Variants in SSPN observed in about 807,000 individuals in gnomAD.
SSPN encodes the protein K-ras oncogene-associated protein.
A neutral mutation model predicts 19.1 loss-of-function variants in SSPN; 15 were observed. That is an observed-to-expected ratio of 0.78 (90% CI 0.52 to 1.21). SSPN has a LOEUF of 1.21. SSPN is among the 50% of genes most tolerant of loss of function. SSPN has a pLI of 0.00. For synonymous variants in SSPN, 147 were observed against 140.3 expected, an observed-to-expected ratio of 1.05 and a Z score of -0.34; for missense variants, 291 against 314.0, an observed-to-expected ratio of 0.93 and a Z score of 0.55.
intron 1 of SSPN, among the ~76,000 whole-genome samples, chr12:26,179,246 G>A (rs1266589611): frequency 6.6e-6 from 1 of 152,178 alleles, no homozygotes; most frequent in East Asian, 1.9e-4. Context: ...AGCAGTGCTT[G>A]AGGAATGAAA....
At chr12:26,127,096 T>C (rs1357257693) in intron 1 of SSPN, among the ~76,000 whole-genome samples, 3 of 152,160 alleles carry the variant, frequency 2.0e-5, no homozygotes, top group Non-Finnish European at 2.9e-5. Context: ...AAACACCAGG[T>C]CCCCTTCTAG....
chr12:26,213,658 C>T (rs1296025359), intron 1 of SSPN, among the ~76,000 whole-genome samples: 1 of 152,000 alleles, frequency 6.6e-6, no homozygotes, highest in African/African-American at 2.4e-5. Flanking sequence ...CAGCAAGGCT[C>T]TCAAACATCT....
intron 1 of SSPN, among the ~76,000 whole-genome samples, chr12:26,128,650 G>T (rs1384862619): frequency 6.6e-6 from 1 of 152,176 alleles, no homozygotes; most frequent in African/African-American, 2.4e-5. Flanking sequence ...TTTAAAATAG[G>T]TTGAGTCTTA....
At chr12:26,186,103 A>C (rs141622292) in intron 1 of SSPN, among the ~76,000 whole-genome samples, 3 of 152,322 alleles carry the variant, frequency 2.0e-5, no homozygotes, top group Admixed American at 6.5e-5. Context: ...TTTTGCCTTA[A>C]GGGACGGCAA....
chr12:26,177,212 CTATTA>C (rs1354879047), intron 1 of SSPN, among the ~76,000 whole-genome samples: 1 of 152,166 alleles, frequency 6.6e-6, no homozygotes, highest in African/African-American at 2.4e-5. Flanking sequence ...TTTAAGGCTA[CTATTA>C]TATTATTATT....
At chr12:26,145,553 T>C (rs1944485348) in intron 1 of SSPN, among the ~76,000 whole-genome samples, 1 of 152,188 alleles carries the variant, frequency 6.6e-6, no homozygotes, top group African/African-American at 2.4e-5. Context: ...TGGCAGGACG[T>C]TCTGTCTCAT....
upstream of SSPN, among the ~76,000 whole-genome samples, chr12:26,191,776 A>G (rs552026636): frequency 6.5e-4 from 99 of 152,218 alleles, no homozygotes; most frequent in Admixed American, 1.2e-3. Flanking sequence ...GGCGGCCAGC[A>G]AGGCATATGG....
In SSPN at chr12:26,232,181, A is replaced by C. The variant is rs991283438; in HGVS notation, c.*1105A>C. ...TGGGTAATGCTGATGTGTTCCATTC[A>C]TGAAACTGTATTTGATACATAATCC... is the stretch of plus-strand genomic sequence containing the variant. On this transcript the variant is annotated 3_prime_UTR_variant, in exon 3 of 3. Coordinates refer to ENST00000242729, the MANE Select transcript of SSPN (RefSeq NM_005086.5). The C allele has an allele frequency of 1.0e-6, 1 of 985,454 alleles. No individual in the cohort carries two copies. The highest frequency in any genetic ancestry group is 1.2e-6 in the Non-Finnish European group (1 of 829,934). The allele number at this position is 985,454 out of a possible 1,614,324, so 61.0% of individuals were successfully genotyped here. A position where few individuals can be genotyped will look rare whatever the true frequency, so the allele number is the denominator to read the frequency against.
intron 2 of SSPN, 107 bp downstream of exon 2, chr12:26,224,486 T>A: frequency 9.8e-7 from 1 of 1,017,782 alleles, no homozygotes; most frequent in Admixed American, 1.9e-5. Flanking sequence ...AGTCTAGAAA[T>A]TGCATTTTTA....
chr12:26,193,547 A>G (rs907086603), upstream of SSPN, among the ~76,000 whole-genome samples: 3 of 152,186 alleles, frequency 2.0e-5, no homozygotes, highest in Non-Finnish European at 2.9e-5. Context: ...AATATTTACC[A>G]TATTTCCATA....
At chr12:26,151,845 C>T (rs142320381) in intron 1 of SSPN, among the ~76,000 whole-genome samples, 5 of 152,220 alleles carry the variant, frequency 3.3e-5, no homozygotes, top group Middle Eastern at 3.4e-3. Flanking sequence ...TGTGCCCCTG[C>T]GTGGTAGAAA....
At chr12:26,191,910 A>G (rs1331912719), upstream of SSPN, among the ~76,000 whole-genome samples, 1 of 152,240 alleles carries the variant, frequency 6.6e-6, no homozygotes, top group African/African-American at 2.4e-5. Flanking sequence ...AAAAGACTTG[A>G]TATAGACCTT....
chr12:26,198,059 A>T (rs1944845334), intron 1 of SSPN, among the ~76,000 whole-genome samples: 1 of 151,408 alleles, frequency 6.6e-6, no homozygotes, highest in Admixed American at 6.6e-5. Context: ...CCAAGCTTTC[A>T]GGGAAGGGAA....
chr12:26,178,972 C>T (rs1391902751), intron 1 of SSPN, among the ~76,000 whole-genome samples: 1 of 152,176 alleles, frequency 6.6e-6, no homozygotes, highest in African/African-American at 2.4e-5. Flanking sequence ...CAGAGCTCAG[C>T]ACCCCACAGC....
intron 1 of SSPN, among the ~76,000 whole-genome samples, chr12:26,142,844 T>A (rs1345570764): frequency 6.6e-6 from 1 of 152,230 alleles, no homozygotes; most frequent in Non-Finnish European, 1.5e-5. Context: ...GAATGTGCTG[T>A]CATCTACAGA....
rs1037877138 is a variant in SSPN at position 26,123,077 on chromosome 12, G to A, written c.-31+925G>A. 5 of 1,599,156 alleles carry A rather than the reference G, an allele frequency of 3.1e-6. No individual in the cohort carries two copies. In the African/African-American group the frequency reaches 6.7e-5, roughly 21 times the overall value. On this transcript the variant is annotated intron_variant, in intron 1 of 2. Transcript: ENST00000538142. ...TGGGTGTCCAGCTCTCAAACCGGGA[G>A]AGGTATTGCAAGACTTCTTTGGCGC...
At chr12:26,122,679 C>T (rs1944322581) in intron 1 of SSPN, 4 of 1,549,174 alleles carry the variant, frequency 2.6e-6, no homozygotes, top group East Asian at 2.6e-5. Context: ...CAGCTTCATC[C>T]TCTTGGGCGC....
intron 1 of SSPN, chr12:26,124,189 T>C (rs765418587): frequency 1.9e-6 from 3 of 1,539,030 alleles, no homozygotes; most frequent in South Asian, 2.2e-5. Flanking sequence ...CCTTAATATA[T>C]GAGAGTCATG....
At chr12:26,145,327 G>A (rs533619485) in intron 1 of SSPN, among the ~76,000 whole-genome samples, 1 of 152,296 alleles carries the variant, frequency 6.6e-6, no homozygotes, top group South Asian at 2.1e-4. Flanking sequence ...GCTGGGAAAC[G>A]ACTCTGCGCA....
Sources: allele counts gnomAD v4.1 joint callset (sites outside exome capture counted in the v4.1 genomes callset), GRCh38; gene constraint gnomAD v4.1.1; transcripts MANE v1.5; gene names NCBI Gene and HGNC (gene_info 2026-07-23, HGNC 2026-07-21).